Variants in NEK10 observed in about 807,000 individuals in gnomAD.
The protein encoded by NEK10 is serine/threonine-protein kinase Nek10.
NEK10 carries 122 observed loss-of-function variants against 159.8 expected under a neutral mutation model. The ratio of observed to expected loss-of-function variants is 0.76; its 90% CI spans 0.66 to 0.89. The LOEUF is 0.89. Among genes scored for constraint, NEK10 ranks in the 40% least tolerant of loss-of-function variants. The probability of loss-of-function intolerance (pLI) is 0.00; values close to 1 mark genes in which losing one functional copy is unlikely to be tolerated. For synonymous variants in NEK10, 466 were observed against 457.1 expected, an observed-to-expected ratio of 1.02 and a Z score of -0.25; for missense variants, 1,342 against 1,323.1, an observed-to-expected ratio of 1.01 and a Z score of -0.22.
In NEK10 at chr3:27,201,568, C is replaced by T; in HGVS notation, c.2233G>A (p.Val745Ile). The change falls in exon 25 of 36, where the codon GTA becomes ATA. Residue 745 changes from valine (V) to isoleucine (I), a missense_variant. Val to Ile is a conservative substitution (Grantham distance 29, BLOSUM62 3). Coordinates refer to ENST00000691995, the MANE Select transcript of NEK10 (RefSeq NM_001394966.1). ...ATACCTTCTGGGACTGGTTCATATACCGCCTCCACTATCTGCAAAACAAAC... is the reference window on the plus strand; with the variant it reads ...ATACCTTCTGGGACTGGTTCATATATCGCCTCCACTATCTGCAAAACAAAC... ...LSLATKIVEAVYEPVPEGIYS... is the reference protein window; with the variant it reads ...LSLATKIVEAIYEPVPEGIYS... The T allele has an allele frequency of 6.2e-7, 1 of 1,613,636 alleles. No homozygotes were observed. Among genetic ancestry groups the T allele is most frequent in the Non-Finnish European group, 8.5e-7 (1 of 1,179,668 alleles).
intron 30 of NEK10, among the ~76,000 whole-genome samples, chr3:27,160,887 C>T (rs1332859408): frequency 6.6e-6 from 1 of 152,154 alleles, no homozygotes; most frequent in Non-Finnish European, 1.5e-5. Flanking sequence ...GCCTTGGCAA[C>T]ACAGGGAGAC....
At chr3:27,207,516 G>T (rs7615500) in intron 23 of NEK10, among the ~76,000 whole-genome samples, 13,360 of 151,972 alleles carry the variant, frequency 0.088, 1,931 homozygotes, top group African/African-American at 0.3. Flanking sequence ...CACAGTGAGG[G>T]CTAAATTGTT....
intron 29 of NEK10, chr3:27,162,954 G>A (rs2148819175): frequency 4.5e-6 from 1 of 223,654 alleles, no homozygotes; most frequent in Non-Finnish European, 7.5e-6. Flanking sequence ...TCCCACCACA[G>A]TTTTTAGGCT....
At chr3:27,292,729 G>C (rs2043085476) in intron 16 of NEK10, among the ~76,000 whole-genome samples, 1 of 146,650 alleles carries the variant, frequency 6.8e-6, no homozygotes, top group Non-Finnish European at 1.5e-5. Context: ...AGCTACTCAG[G>C]AGGCTGAGGC....
chr3:27,219,222 G>A (rs1292250888), intron 23 of NEK10, among the ~76,000 whole-genome samples: 4 of 152,188 alleles, frequency 2.6e-5, no homozygotes, highest in Non-Finnish European at 4.4e-5. Flanking sequence ...ACCTACCAGG[G>A]GAGTTTCCAT....
At chr3:27,197,926 G>T (rs1436766798) in intron 25 of NEK10, among the ~76,000 whole-genome samples, 5 of 151,840 alleles carry the variant, frequency 3.3e-5, no homozygotes, top group Non-Finnish European at 7.4e-5. Context: ...TTGAAGTATT[G>T]TCTTGTGCTG....
intron 30 of NEK10, among the ~76,000 whole-genome samples, chr3:27,144,142 T>C (rs978922394): frequency 3.9e-5 from 6 of 152,228 alleles, no homozygotes; most frequent in African/African-American, 1.4e-4. Context: ...CTTCCTTGCC[T>C]TCCTTTGTAA....
In NEK10 at chr3:27,258,700, T is replaced by G. The variant is rs141830414; in HGVS notation, c.2015-2329A>C. On this transcript the variant is annotated intron_variant, in intron 22 of 35. Transcript: ENST00000691995. ...ACTTACGTGTTCATGTGTCTTTATA[T>G]CAGCATGATTTATAATTCTTTGGGT... Among the ~76,000 whole-genome samples the G allele has an allele frequency of 5.8e-3, 878 of 152,294 alleles. 9 individuals are homozygous for G. The highest frequency in any genetic ancestry group is 0.02 in the African/African-American group (838 of 41,566).
intron 23 of NEK10, among the ~76,000 whole-genome samples, chr3:27,206,999 C>T (rs375485465): frequency 6.6e-6 from 1 of 152,096 alleles, no homozygotes; most frequent in Non-Finnish European, 1.5e-5. Flanking sequence ...CACTTCAAAC[C>T]TAGTCACTTC....
chr3:27,334,553 G>C (rs1478594953), intron 5 of NEK10, among the ~76,000 whole-genome samples: 4 of 152,090 alleles, frequency 2.6e-5, no homozygotes, highest in Non-Finnish European at 5.9e-5. Context: ...TTGTGTCCCA[G>C]TCTCCACCAA....
chr3:27,250,479 C>T (rs904886549), intron 23 of NEK10, among the ~76,000 whole-genome samples: 2 of 152,134 alleles, frequency 1.3e-5, no homozygotes, highest in South Asian at 4.2e-4. Context: ...AGCCACTGTG[C>T]CCAGCCTGTG....
At chr3:27,334,809 T>A (rs1370770243) in intron 5 of NEK10, among the ~76,000 whole-genome samples, 1 of 152,018 alleles carries the variant, frequency 6.6e-6, no homozygotes, top group African/African-American at 2.4e-5. Context: ...GATGTCAGTG[T>A]AAGAACACAG....
chr3:27,366,580 C>T (rs1228313203), intron 1 of NEK10, among the ~76,000 whole-genome samples: 1 of 152,154 alleles, frequency 6.6e-6, no homozygotes, highest in Admixed American at 6.5e-5. Context: ...TTGGCTCACC[C>T]TCACTGGGCA....
intron 30 of NEK10, among the ~76,000 whole-genome samples, chr3:27,151,605 A>AC (rs1265905390): frequency 6.6e-6 from 1 of 152,048 alleles, no homozygotes; most frequent in Non-Finnish European, 1.5e-5. Context: ...GCTCTGTAAC[A>AC]CCCCCCAAAA....
intron 5 of NEK10, among the ~76,000 whole-genome samples, chr3:27,341,004 C>A (rs889642843): frequency 6.6e-6 from 1 of 151,902 alleles, no homozygotes; most frequent in African/African-American, 2.4e-5. Flanking sequence ...TAAAATGAAA[C>A]ATTATTTGGC....
At chr3:27,307,101 C>T (rs2044304936) in intron 11 of NEK10, among the ~76,000 whole-genome samples, 1 of 152,178 alleles carries the variant, frequency 6.6e-6, no homozygotes, top group African/African-American at 2.4e-5. Context: ...ATAACTTATT[C>T]ATCTTTGGTT....
chr3:27,270,616 G>T (rs1235869437), intron 22 of NEK10, among the ~76,000 whole-genome samples: 1 of 152,060 alleles, frequency 6.6e-6, no homozygotes, highest in Non-Finnish European at 1.5e-5. Flanking sequence ...TCTCACTGAG[G>T]CTACTGAGCT....
At chr3:27,229,011 T>C (rs577736089) in intron 23 of NEK10, among the ~76,000 whole-genome samples, 12 of 152,172 alleles carry the variant, frequency 7.9e-5, no homozygotes, top group African/African-American at 2.6e-4. Context: ...CTACAACTGG[T>C]TCCTACTCAG....
At chr3:27,187,343 A>C (rs9832789) in intron 26 of NEK10, among the ~76,000 whole-genome samples, 99,837 of 152,054 alleles carry the variant, frequency 0.66, 34,880 homozygotes, top group African/African-American at 0.91. Flanking sequence ...CCAAAAGAGA[A>C]CGACATAATT....
Sources: allele counts gnomAD v4.1 joint callset (sites outside exome capture counted in the v4.1 genomes callset), GRCh38; gene constraint gnomAD v4.1.1; transcripts MANE v1.5; gene names NCBI Gene and HGNC (gene_info 2026-07-23, HGNC 2026-07-21).